ERP27: variants seen among roughly 807,000 people sequenced by gnomAD.
ERP27 encodes endoplasmic reticulum protein 27.
In ERP27, 23 loss-of-function variants were observed where a neutral mutation model predicts 27.7. The observed-to-expected ratio is 0.83, with a 90% confidence interval of 0.60 to 1.18. The LOEUF (loss-of-function observed/expected upper bound fraction) is 1.18. ERP27 is among the 50% of genes most tolerant of loss of function. ERP27 has a pLI of 0.00. For synonymous variants in ERP27, 159 were observed against 118.3 expected (o/e 1.34, Z -2.23); for missense variants, 363 against 327.9 (o/e 1.11, Z -0.83).
chr12:14,927,258 G>T (rs530123596), intron 3 of ERP27, among the ~76,000 whole-genome samples: 52 of 152,046 alleles, frequency 3.4e-4, no homozygotes, highest in African/African-American at 1.3e-3. Flanking sequence ...AGTGGATTAT[G>T]CATATTCCAC....
At position 14,915,589 on chromosome 12, in the gene ERP27, T is replaced by C. The variant is rs2120535559; in HGVS notation, c.674A>G (p.Tyr225Cys). 1.2e-6 allele frequency: 2 copies of C among 1,614,238 alleles called. No homozygotes were observed. The highest frequency in any genetic ancestry group is 1.7e-6 in the Non-Finnish European group (2 of 1,180,034). Residue 225 changes from tyrosine (Y) to cysteine (C), a missense_variant, in exon 6 of 7, where the codon TAC becomes TGC. Transcript: ENST00000266397. ...ATCCCACTCGTCATCTAGAGTCTGG[T>C]AAATTGCCAAAGCTGGCAGTTGAGA... is the stretch of plus-strand genomic sequence containing the variant. ...KESQLPALAI[Y>C]QTLDDEWDTL...
At chr12:14,923,300 C>T (rs996703096) in intron 3 of ERP27, among the ~76,000 whole-genome samples, 1 of 151,998 alleles carries the variant, frequency 6.6e-6, no homozygotes, top group Non-Finnish European at 1.5e-5. Flanking sequence ...ATCTAGGTCT[C>T]CAGCTCACAG....
chr12:14,930,128 C>T lies in ERP27; in HGVS notation c.333+4728G>A, dbSNP rs183937297. On this transcript the variant is annotated intron_variant, in intron 3 of 6. Transcript: ENST00000266397. ...AGCAAACCACCATGGCACACGTACA[C>T]GATATAACAAACCTTCATGTTATGC... 8.6e-4 allele frequency among the ~76,000 whole-genome samples: 131 copies of T among 151,568 alleles called. 1 individual carries two copies. Among genetic ancestry groups the T allele is most frequent in the African/African-American group, 3.0e-3 (124 of 41,260 alleles).
rs759020687 is a variant in ERP27 at position 14,938,442 on chromosome 12, C to A, written c.67G>T (p.Val23Phe). The stretch of plus-strand genomic sequence containing the variant: ...GAGGATTTCTCAACTTCTGCAGCAA[C>A]TTCTGCAGCCAGCTCACACGTGAGG... ...FLLTCELAAE[V>F]AAEVEKSSDG... Residue 23 changes from valine (V) to phenylalanine (F), a missense_variant, in exon 1 of 7, where the codon GTT (valine) becomes TTT (phenylalanine). Coordinates refer to ENST00000266397, the MANE Select transcript of ERP27 (RefSeq NM_152321.4). 1.9e-6 allele frequency: 3 copies of A among 1,614,052 alleles called. No homozygotes were observed. Among genetic ancestry groups the A allele is most frequent in the African/African-American group, 2.7e-5 (2 of 74,932 alleles).
chr12:14,914,578 GCGTGTGTGTGTGC>G lies in ERP27; in HGVS notation c.*144_*156del. 4.3e-6 allele frequency: 2 copies of G among 468,048 alleles called. No homozygotes were observed. Among genetic ancestry groups the G allele is most frequent in the Non-Finnish European group, 7.2e-6 (2 of 279,662 alleles). 29.0% of individuals were successfully genotyped at this position (468,048 alleles called of 1,614,324 possible). Reference sequence around the variant, plus strand: ...AAGCTCTGTGTGTGTGTGTGTGTGTGCGTGTGTGTGTGCACGCGTGCGTGCGTGTGTGCACGTG... The same window carrying G: ...AAGCTCTGTGTGTGTGTGTGTGTGTGACGCGTGCGTGCGTGTGTGCACGTG... On this transcript the variant is annotated 3_prime_UTR_variant, in exon 7 of 7. Transcript: ENST00000266397.
chr12:14,928,922 A>G (rs1863654304), intron 3 of ERP27: 1 of 1,532,562 alleles, frequency 6.5e-7, no homozygotes, highest in Admixed American at 2.0e-5. Flanking sequence ...CAGCTCCTCT[A>G]GATACTTAAT....
chr12:14,924,033 C>T (rs964902488), intron 3 of ERP27, among the ~76,000 whole-genome samples: 18 of 152,146 alleles, frequency 1.2e-4, no homozygotes, highest in Non-Finnish European at 2.1e-4. Flanking sequence ...TCACCACTTC[C>T]CCCTCCGCTC....
chr12:14,929,049 T>A, intron 3 of ERP27: 2 of 1,533,838 alleles, frequency 1.3e-6, no homozygotes, highest in Non-Finnish European at 1.7e-6. Context: ...TAACATTTGA[T>A]GTGTCTAAAT....
intron 3 of ERP27, among the ~76,000 whole-genome samples, chr12:14,932,979 G>A (rs1256335470): frequency 6.6e-6 from 1 of 152,236 alleles, no homozygotes; most frequent in Non-Finnish European, 1.5e-5. Context: ...TTTGAATCAT[G>A]AGAGAAGTCC....
At chr12:14,918,095 C>G (rs534385190) in intron 4 of ERP27, among the ~76,000 whole-genome samples, 56 of 152,300 alleles carry the variant, frequency 3.7e-4, no homozygotes, top group African/African-American at 1.3e-3. Context: ...GGCACTGTCT[C>G]CAACTCTTAA....
intron 3 of ERP27, among the ~76,000 whole-genome samples, chr12:14,933,798 A>G (rs1863733115): frequency 6.6e-6 from 1 of 152,146 alleles, no homozygotes. Context: ...TAACTGTGAT[A>G]TCTAATGATC....
intron 2 of ERP27, among the ~76,000 whole-genome samples, chr12:14,937,287 G>A (rs952096480): frequency 1.3e-5 from 2 of 152,182 alleles, no homozygotes; most frequent in African/African-American, 4.8e-5. Context: ...GAGAGAGTAG[G>A]GGCTTGATCA....
chr12:14,931,547 T>C (rs1238633223), intron 3 of ERP27, among the ~76,000 whole-genome samples: 1 of 152,208 alleles, frequency 6.6e-6, no homozygotes, highest in Non-Finnish European at 1.5e-5. Flanking sequence ...TTTTCTGGTA[T>C]GGCACATAAA....
chr12:14,921,789 CT>C (rs990945098), intron 3 of ERP27, among the ~76,000 whole-genome samples: 37 of 147,574 alleles, frequency 2.5e-4, no homozygotes, highest in African/African-American at 3.0e-4. Context: ...ATAATTCATC[CT>C]TTTTTTTTTG....
intron 3 of ERP27, among the ~76,000 whole-genome samples, chr12:14,934,529 G>A (rs1863746233): frequency 1.3e-5 from 2 of 152,124 alleles, no homozygotes; most frequent in South Asian, 4.1e-4. Context: ...AGTGACCTTA[G>A]AGATAATACA....
At chr12:14,932,668 A>G (rs920177442) in intron 3 of ERP27, among the ~76,000 whole-genome samples, 3 of 152,248 alleles carry the variant, frequency 2.0e-5, no homozygotes, top group African/African-American at 7.2e-5. Context: ...TCTTAAATAC[A>G]TCATTGTGAT....
chr12:14,922,878 C>T (rs1175023216), intron 3 of ERP27, among the ~76,000 whole-genome samples: 5 of 152,116 alleles, frequency 3.3e-5, no homozygotes, highest in African/African-American at 1.2e-4. Context: ...GAGTTCAAGA[C>T]TAGCCGGCCA....
At chr12:14,921,920 A>G (rs186070406) in intron 3 of ERP27, among the ~76,000 whole-genome samples, 1 of 152,318 alleles carries the variant, frequency 6.6e-6, no homozygotes, top group East Asian at 1.9e-4. Context: ...CATTAAATAC[A>G]TGTAAACAAA....
chr12:14,931,084 T>C (rs1028762336), intron 3 of ERP27, among the ~76,000 whole-genome samples: 1 of 152,198 alleles, frequency 6.6e-6, no homozygotes, highest in African/African-American at 2.4e-5. Flanking sequence ...TAGACAGCAA[T>C]GCTGGGTACG....
Sources: allele counts gnomAD v4.1 joint callset (sites outside exome capture counted in the v4.1 genomes callset), GRCh38; gene constraint gnomAD v4.1.1; transcripts MANE v1.5; gene names NCBI Gene and HGNC (gene_info 2026-07-23, HGNC 2026-07-21).